ACVR1B: variants seen among roughly 807,000 people sequenced by gnomAD.
ACVR1B encodes the protein activin receptor type-1B.
ACVR1B carries 15 observed loss-of-function variants against 55.6 expected under a neutral mutation model. That is an observed-to-expected ratio of 0.27 (90% confidence interval 0.18 to 0.42). The LOEUF (loss-of-function observed/expected upper bound fraction) is 0.42, where lower values mean the gene tolerates loss of function less well. ACVR1B is among the 10% of genes least tolerant of loss of function. The pLI, the probability that ACVR1B is intolerant of heterozygous loss-of-function variation, is 1.00. For missense variants in ACVR1B, 359 were observed against 670.1 expected, an observed-to-expected ratio of 0.54 and a Z score of 5.13; for synonymous variants, 247 against 254.6, an observed-to-expected ratio of 0.97 and a Z score of 0.28.
At position 51,996,539 on chromosome 12, in the gene ACVR1B, T is replaced by G. The variant is rs1420817068; in HGVS notation, c.*2429T>G. 3 of 152,616 alleles carry G rather than the reference T, an allele frequency of 2.0e-5. No homozygotes were observed. The highest frequency in any genetic ancestry group is 6.5e-5 in the Admixed American group (1 of 15,276). 9.5% of individuals were successfully genotyped at this position (152,616 alleles called of 1,614,324 possible). A position where few individuals can be genotyped will look rare whatever the true frequency, so the allele number is the denominator to read the frequency against. Reference sequence around the variant, plus strand: ...GCCCTGCAGCAGAACCTTGGCGGTTTATAGGTAATGATGGAACTTAGACTC... The same window carrying G: ...GCCCTGCAGCAGAACCTTGGCGGTTGATAGGTAATGATGGAACTTAGACTC... On this transcript the variant is annotated 3_prime_UTR_variant, in exon 9 of 9. Coordinates refer to ENST00000257963, the MANE Select transcript of ACVR1B (RefSeq NM_004302.5).
At chr12:51,987,029 C>A (rs1942092596) in intron 7 of ACVR1B, 87 bp downstream of exon 7, 3 of 1,577,234 alleles carry the variant, frequency 1.9e-6, no homozygotes, top group Non-Finnish European at 2.6e-6. Context: ...TTTCTTTTTA[C>A]AACCTGTTGG....
intron 1 of ACVR1B, among the ~76,000 whole-genome samples, chr12:51,955,906 T>G (rs1382555210): frequency 6.6e-6 from 1 of 152,254 alleles, no homozygotes; most frequent in African/African-American, 2.4e-5. Context: ...CACTGCCTCA[T>G]GGCCAGGTTC....
chr12:51,964,489 T>G (rs1941602002), intron 1 of ACVR1B, among the ~76,000 whole-genome samples: 1 of 152,246 alleles, frequency 6.6e-6, no homozygotes. Context: ...GTTTATCCAT[T>G]TTACTTTTGT....
At chr12:51,959,225 A>C (rs1941469353) in intron 1 of ACVR1B, among the ~76,000 whole-genome samples, 1 of 152,190 alleles carries the variant, frequency 6.6e-6, no homozygotes, top group Admixed American at 6.5e-5. Context: ...CATCTAAAGG[A>C]GGTTATCATG....
chr12:51,961,932 C>T (rs190108667), intron 1 of ACVR1B, among the ~76,000 whole-genome samples: 6 of 152,324 alleles, frequency 3.9e-5, no homozygotes, highest in Admixed American at 2.6e-4. Context: ...CCTTGACATT[C>T]TCTTGGGCAG....
Position 51,951,777 on chromosome 12 carries a change from C to A in ACVR1B, c.34C>A (p.Pro12Thr). 1 of 1,295,304 alleles carries A rather than the reference C, an allele frequency of 7.7e-7. No individual in the cohort carries two copies. The highest frequency in any genetic ancestry group is 9.9e-7 in the Non-Finnish European group (1 of 1,013,014). 80.2% of individuals were successfully genotyped at this position (1,295,304 alleles called of 1,614,324 possible). Residue 12 changes from proline (P) to threonine (T), a missense_variant, in exon 1 of 9, where the codon CCC (proline) becomes ACC (threonine). Physicochemically the swap from Pro to Thr is conservative, Grantham distance 38 (BLOSUM62 -1). This residue lies in a region of ACVR1B where 48 missense variants were observed against 40.6 expected (regional missense o/e 1.18). Transcript: ENST00000257963. The stretch of plus-strand genomic sequence containing the variant: ...GTCGGCCGGAGCCTCCTCCTTCTTC[C>A]CCCTTGTTGTCCTCCTGCTCGCCGG... Reference protein sequence around the residue: ...AESAGASSFFPLVVLLLAGSG... With the variant: ...AESAGASSFFTLVVLLLAGSG...
intron 1 of ACVR1B, among the ~76,000 whole-genome samples, chr12:51,969,142 T>C (rs1157889976): frequency 6.6e-6 from 1 of 152,188 alleles, no homozygotes; most frequent in East Asian, 1.9e-4. Context: ...AGAGATAAGC[T>C]GTCCCTGCTG....
At chr12:51,955,071 C>CT (rs1352545900) in intron 1 of ACVR1B, among the ~76,000 whole-genome samples, 1 of 152,144 alleles carries the variant, frequency 6.6e-6, no homozygotes, top group African/African-American at 2.4e-5. Context: ...GAGTGACCTG[C>CT]TTTAGGCTTT....
chr12:51,983,825 G>T (rs762933209), intron 4 of ACVR1B, among the ~76,000 whole-genome samples, 174 bp from the exon 5 acceptor site: 30 of 152,202 alleles, frequency 2.0e-4, no homozygotes, highest in Admixed American at 1.6e-3. Context: ...GTCCCAAACT[G>T]GTAGACCACT....
chr12:51,993,332 G>C (rs564194871), intron 8 of ACVR1B, among the ~76,000 whole-genome samples: 1 of 152,148 alleles, frequency 6.6e-6, no homozygotes, highest in Non-Finnish European at 1.5e-5. Context: ...TGATGCTTTC[G>C]TGTTGCATCA....
chr12:51,956,730 C>G (rs1235708511), intron 1 of ACVR1B, among the ~76,000 whole-genome samples: 1 of 151,594 alleles, frequency 6.6e-6, no homozygotes, highest in Non-Finnish European at 1.5e-5. Flanking sequence ...CTTTTTCAAC[C>G]TGTCAATACA....
chr12:51,952,865 G>A (rs890760199), intron 1 of ACVR1B, among the ~76,000 whole-genome samples: 4 of 127,704 alleles, frequency 3.1e-5, no homozygotes, highest in African/African-American at 1.2e-4. Context: ...TCTGCGGCTC[G>A]CCTTATACCA....
intron 1 of ACVR1B, among the ~76,000 whole-genome samples, chr12:51,957,441 CAAAAA>C (rs76826910): frequency 7.3e-5 from 7 of 96,244 alleles, no homozygotes; most frequent in Non-Finnish European, 9.1e-5. Context: ...GAGACTCCGT[CAAAAA>C]AAAAAAAAAA....
intron 1 of ACVR1B, among the ~76,000 whole-genome samples, chr12:51,965,854 T>TA (rs1270854314): frequency 6.6e-6 from 1 of 152,204 alleles, no homozygotes; most frequent in African/African-American, 2.4e-5. Context: ...CTTAAGGAAA[T>TA]ACACTGAATT....
At chr12:51,991,564 G>C (rs1942191424) in intron 7 of ACVR1B, among the ~76,000 whole-genome samples, 1 of 152,150 alleles carries the variant, frequency 6.6e-6, no homozygotes, top group Non-Finnish European at 1.5e-5. Context: ...ACCATGCCTG[G>C]TTAATTTTTG....
rs1425747852 is a variant in ACVR1B, at chr12:51,981,136, A to G, written c.748A>G (p.Ile250Val). ...ACGGTCTTGGTTCAGGGAAGCAGAGATATACCAGACGGTCATGCTGCGCCA... is the reference window on the plus strand; with the variant it reads ...ACGGTCTTGGTTCAGGGAAGCAGAGGTATACCAGACGGTCATGCTGCGCCA... ...EERSWFREAEIYQTVMLRHEN... is the reference protein window; with the variant it reads ...EERSWFREAEVYQTVMLRHEN... The change falls in exon 4 of 9, where the codon ATA becomes GTA. Residue 250 changes from isoleucine to valine, a missense_variant. Physicochemically the swap from Ile to Val is conservative, Grantham distance 29. Around this residue, in one of 5 missense-constraint regions of ACVR1B, gnomAD observed 119 missense variants for 340.2 expected, o/e 0.35. Transcript: ENST00000257963. 1 of 1,614,152 alleles carries G rather than the reference A, an allele frequency of 6.2e-7. No homozygotes were observed. Among genetic ancestry groups the G allele is most frequent in the Admixed American group, 1.7e-5 (1 of 60,008 alleles).
At chr12:51,956,776 T>C (rs1941418539) in intron 1 of ACVR1B, among the ~76,000 whole-genome samples, 1 of 151,812 alleles carries the variant, frequency 6.6e-6, no homozygotes, top group Non-Finnish European at 1.5e-5. Context: ...TTTTTCTTTT[T>C]TTGAGACAGG....
intron 2 of ACVR1B, among the ~76,000 whole-genome samples, chr12:51,976,112 T>C (rs1397614087): frequency 2.6e-5 from 4 of 151,948 alleles, no homozygotes; most frequent in African/African-American, 9.7e-5. Context: ...GGGTTGTGGG[T>C]TTGACTGTGG....
At chr12:51,962,509 G>C (rs1941552710) in intron 1 of ACVR1B, among the ~76,000 whole-genome samples, 1 of 151,570 alleles carries the variant, frequency 6.6e-6, no homozygotes, top group Non-Finnish European at 1.5e-5. Flanking sequence ...ATGTAACTTG[G>C]GTCTTTTTTT....
Sources: gnomAD v4.1 joint callset for allele counts (sites outside exome capture counted in the v4.1 genomes callset) on GRCh38, gnomAD v4.1.1 for gene constraint, gnomAD v4.1.1 regional missense constraint, MANE v1.5 for transcripts, NCBI Gene and HGNC (gene_info 2026-07-23, HGNC 2026-07-21) for gene names.